Variants in MAF observed in about 807,000 individuals in gnomAD.
MAF encodes the protein transcription factor Maf.
Under a neutral mutation model 22.0 loss-of-function variants are expected in MAF, and 10 were observed. That is an observed-to-expected ratio of 0.45 (90% CI 0.28 to 0.77). The LOEUF (loss-of-function observed/expected upper bound fraction) is 0.77. Ranked by LOEUF, MAF falls within the 30% of genes least tolerant of loss-of-function variation. The pLI, the probability that MAF is intolerant of heterozygous loss-of-function variation, is 0.12. For synonymous variants in MAF, 337 were observed against 255.8 expected, an observed-to-expected ratio of 1.32 and a Z score of -3.03; for missense variants, 544 against 548.4, an observed-to-expected ratio of 0.99 and a Z score of 0.08.
chr16:79,538,065 C>A, the MAF span, among the ~76,000 whole-genome samples: 1 of 152,140 alleles, frequency 6.6e-6, no homozygotes, highest in Non-Finnish European at 1.5e-5. Context: ...ATTCTACATA[C>A]TGCACCAAGA....
chr16:79,592,081 C>T (rs372348776), downstream of MAF, among the ~76,000 whole-genome samples: 7 of 152,298 alleles, frequency 4.6e-5, no homozygotes, highest in Admixed American at 2.6e-4. Flanking sequence ...TATTTCTGGG[C>T]CTCCCGCTTT....
chr16:79,461,447 T>C, the MAF span, among the ~76,000 whole-genome samples: 4 of 152,162 alleles, frequency 2.6e-5, no homozygotes, highest in Admixed American at 1.3e-4. Context: ...CCTCGGGCCA[T>C]GTCAGCTCAG....
the MAF span, among the ~76,000 whole-genome samples, chr16:79,569,764 G>A: frequency 2.0e-5 from 3 of 152,224 alleles, no homozygotes; most frequent in African/African-American, 7.2e-5. Context: ...ATAGGCATTT[G>A]TATTTGAAAA....
At chr16:79,210,903 G>C in the MAF span, among the ~76,000 whole-genome samples, 1 of 152,142 alleles carries the variant, frequency 6.6e-6, no homozygotes, top group South Asian at 2.1e-4. Flanking sequence ...TGGGCTGGGA[G>C]GAAATGTACC....
chr16:79,391,630 A>T, the MAF span, among the ~76,000 whole-genome samples: 7 of 152,192 alleles, frequency 4.6e-5, no homozygotes, highest in Non-Finnish European at 2.9e-5. Flanking sequence ...ATATGAGTTC[A>T]GGTCCCCCCG....
At chr16:79,555,909 A>G in the MAF span, among the ~76,000 whole-genome samples, 2 of 151,972 alleles carry the variant, frequency 1.3e-5, no homozygotes, top group South Asian at 2.1e-4. Context: ...TACGAAACAG[A>G]TAACATAGAT....
the MAF span, among the ~76,000 whole-genome samples, chr16:79,488,916 G>A: frequency 6.6e-6 from 1 of 152,302 alleles, no homozygotes; most frequent in Admixed American, 6.5e-5. Flanking sequence ...GCAAGAATAA[G>A]GCAGGATCAT....
chr16:79,210,746 CCT>C, the MAF span, among the ~76,000 whole-genome samples: 89 of 152,156 alleles, frequency 5.8e-4, no homozygotes, highest in African/African-American at 2.1e-3. Context: ...GATTTCTTGC[CCT>C]CTTTATAGCA....
the MAF span, among the ~76,000 whole-genome samples, chr16:79,294,431 G>A: frequency 1.3e-5 from 2 of 152,158 alleles, no homozygotes; most frequent in Admixed American, 1.3e-4. Context: ...AAGAGTGAGT[G>A]TGGGCTACCT....
the MAF span, among the ~76,000 whole-genome samples, chr16:79,364,335 T>A: frequency 6.6e-6 from 1 of 152,092 alleles, no homozygotes; most frequent in East Asian, 1.9e-4. Flanking sequence ...AAGTAGCAGC[T>A]CCTAGATGGA....
the MAF span, among the ~76,000 whole-genome samples, chr16:79,373,703 G>C: frequency 6.6e-6 from 1 of 152,042 alleles, no homozygotes; most frequent in African/African-American, 2.4e-5. Flanking sequence ...AAGAGGAAGA[G>C]AGACTTGAAC....
At chr16:79,336,932 A>G in the MAF span, among the ~76,000 whole-genome samples, 2 of 152,208 alleles carry the variant, frequency 1.3e-5, no homozygotes, top group Non-Finnish European at 2.9e-5. Flanking sequence ...ACGTTGTGAG[A>G]GGTTCCACAC....
chr16:79,407,316 A>G, the MAF span, among the ~76,000 whole-genome samples: 3 of 152,288 alleles, frequency 2.0e-5, no homozygotes, highest in Non-Finnish European at 4.4e-5. Flanking sequence ...AGGCCCTACG[A>G]AATGCCATCA....
the MAF span, among the ~76,000 whole-genome samples, chr16:79,534,642 C>T: frequency 3.3e-5 from 5 of 151,936 alleles, no homozygotes; most frequent in South Asian, 2.1e-4. Context: ...ATGTAAATAA[C>T]GAGTTAATGG....
downstream of MAF, among the ~76,000 whole-genome samples, chr16:79,581,811 A>T (rs1013171334): frequency 2.0e-5 from 3 of 152,156 alleles, no homozygotes; most frequent in African/African-American, 7.2e-5. Context: ...TGGATTGTTA[A>T]TTACGTGTTA....
the MAF span, among the ~76,000 whole-genome samples, chr16:79,269,939 G>A: frequency 2.0e-5 from 3 of 152,162 alleles, no homozygotes; most frequent in Non-Finnish European, 4.4e-5. Context: ...AGCAAGCTAT[G>A]GAGACGAACC....
chr16:79,533,354 T>C, the MAF span, among the ~76,000 whole-genome samples: 2 of 152,178 alleles, frequency 1.3e-5, no homozygotes, highest in Non-Finnish European at 2.9e-5. Context: ...TTTTCTATTT[T>C]ATATACAACT....
In MAF at chr16:79,594,448, C is replaced by G. The variant is rs202097169; in HGVS notation, c.*12G>C. The G allele has an allele frequency of 1.6e-5, 25 of 1,552,828 alleles. No homozygotes were observed. The East Asian group carries it at 5.6e-4, about 35-fold the overall frequency. ...TGATGATTTTTTTTAATGTACAGCT[C>G]TCACACAAATTTCATTTTGTGAACA... On this transcript the variant is annotated 3_prime_UTR_variant, in exon 2 of 2. Transcript: ENST00000326043.
chr16:79,546,046 A>G, the MAF span, among the ~76,000 whole-genome samples: 16,277 of 152,078 alleles, frequency 0.11, 968 homozygotes, highest in Middle Eastern at 0.17. Context: ...ATTAAAAATA[A>G]ATAATAAATT....
Sources: gnomAD v4.1 joint callset for allele counts (sites outside exome capture counted in the v4.1 genomes callset) on GRCh38, gnomAD v4.1.1 for gene constraint, MANE v1.5 for transcripts, NCBI Gene and HGNC (gene_info 2026-07-23, HGNC 2026-07-21) for gene names.